DOP1B: variants seen among roughly 807,000 people sequenced by gnomAD.
The protein encoded by DOP1B is protein DOP1B.
DOP1B carries 174 observed loss-of-function variants against 233.5 expected under a neutral mutation model. That is an observed-to-expected ratio of 0.75 (90% CI 0.66 to 0.85). The LOEUF is 0.85. Ranked by LOEUF, DOP1B falls within the 40% of genes least tolerant of loss-of-function variation. DOP1B has a pLI of 0.00. For missense variants in DOP1B, 2,652 were observed against 2,846.6 expected, an observed-to-expected ratio of 0.93 and a Z score of 1.56; for synonymous variants, 1,190 against 1,185.6, an observed-to-expected ratio of 1.00 and a Z score of -0.08.
In DOP1B at chr21:36,167,994, A is replaced by C. The variant is rs1379680159; in HGVS notation, c.138+3123A>C. On this transcript the variant is annotated intron_variant, in intron 2 of 36. Transcript: ENST00000691173. ...AATCTCACTCTGTCATCCAGGCTGA[A>C]GTGCAGTGGCACAGTCTCGGCTAAC... Among the ~76,000 whole-genome samples, 5 of 132,800 alleles carry C rather than the reference A, an allele frequency of 3.8e-5. No individual in the cohort carries two copies. The East Asian group carries it at 1.1e-3, about 30-fold the overall frequency. The allele number at this position is 132,800 out of a possible 152,430, so 87.1% of individuals were successfully genotyped here.
chr21:36,260,262 GGAAGGAAAGAAAGAAA>G (rs143328591), intron 23 of DOP1B, among the ~76,000 whole-genome samples: 15,988 of 116,762 alleles, frequency 0.14, 1,787 homozygotes, highest in African/African-American at 0.39. Flanking sequence ...GAGGAAGGAA[GGAAGGAAAGAAAGAAA>G]GAAAGAAAGA....
intron 2 of DOP1B, among the ~76,000 whole-genome samples, chr21:36,180,150 A>G (rs1462298921): frequency 2.0e-5 from 3 of 148,274 alleles, no homozygotes; most frequent in Admixed American, 1.4e-4. Flanking sequence ...AAAAAAAACT[A>G]GAGGGGGTTA....
rs111241057 is a variant in DOP1B at position 36,195,063 on chromosome 21, G to A, written c.139-4007G>A. Among the ~76,000 whole-genome samples, 1,402 of 152,144 alleles carry A rather than the reference G, an allele frequency of 9.2e-3. 19 individuals are homozygous for A. The highest frequency in any genetic ancestry group is 0.031 in the African/African-American group (1,294 of 41,536). ...TCTACGAAAAAATACCAAAGATGCTGGGCATGATGGCTCATGCCTGTAATC... is the reference window on the plus strand; with the variant it reads ...TCTACGAAAAAATACCAAAGATGCTAGGCATGATGGCTCATGCCTGTAATC... On this transcript the variant is annotated intron_variant, in intron 2 of 36. Coordinates refer to ENST00000691173, the MANE Select transcript of DOP1B (RefSeq NM_001320714.2).
chr21:36,206,705 T>C (rs1347229534), intron 4 of DOP1B, among the ~76,000 whole-genome samples: 1 of 152,152 alleles, frequency 6.6e-6, no homozygotes, highest in Non-Finnish European at 1.5e-5. Flanking sequence ...GCAGTTCTAA[T>C]TAAAGGGGGA....
intron 2 of DOP1B, among the ~76,000 whole-genome samples, chr21:36,188,032 T>C (rs2066185251): frequency 6.6e-6 from 1 of 152,214 alleles, no homozygotes. Context: ...CATATTCTAA[T>C]GTGTCTTCTT....
At position 36,212,094 on chromosome 21, in the gene DOP1B, C is replaced by T. The variant is rs780293572; in HGVS notation, c.901C>T (p.Leu301=). Reference sequence around the variant, plus strand: ...GAACAGAAGACTGTATGCATGGTTACTAGGTACTGAGCAGTATACACCCTT... The same window carrying T: ...GAACAGAAGACTGTATGCATGGTTATTAGGTACTGAGCAGTATACACCCTT... ...SLNRRLYAWL[L]GSDIKGNTVV... is the part of the protein sequence containing the mutation. The change falls in exon 7 of 37, where the codon CTA becomes TTA. Residue 301 remains leucine, a synonymous_variant. Coordinates refer to ENST00000691173, the MANE Select transcript of DOP1B (RefSeq NM_001320714.2). 1 of 1,608,348 alleles carries T rather than the reference C, an allele frequency of 6.2e-7. No individual in the cohort carries two copies.
chr21:36,211,236 G>T (rs958295621), intron 5 of DOP1B, among the ~76,000 whole-genome samples: 1 of 152,206 alleles, frequency 6.6e-6, no homozygotes, highest in Non-Finnish European at 1.5e-5. Flanking sequence ...TTTCCCATGT[G>T]TCTTCAGAGC....
chr21:36,233,531 G>A (rs998196227), intron 15 of DOP1B, among the ~76,000 whole-genome samples: 3 of 152,196 alleles, frequency 2.0e-5, no homozygotes, highest in African/African-American at 4.8e-5. Flanking sequence ...GGATAGTGAC[G>A]TTTCCATGGA....
intron 5 of DOP1B, among the ~76,000 whole-genome samples, chr21:36,210,591 G>A (rs2066484959): frequency 6.6e-6 from 1 of 152,174 alleles, no homozygotes; most frequent in Admixed American, 6.5e-5. Flanking sequence ...GTTGCAGTGA[G>A]CTAAGATTGC....
intron 36 of DOP1B, among the ~76,000 whole-genome samples, chr21:36,292,811 G>A (rs1231310841): frequency 6.6e-6 from 1 of 151,824 alleles, no homozygotes; most frequent in Non-Finnish European, 1.5e-5. Context: ...ACAGGTTTTC[G>A]CCATATTGGT....
At chr21:36,291,721 A>G (rs2067561768) in intron 35 of DOP1B, among the ~76,000 whole-genome samples, 1 of 152,218 alleles carries the variant, frequency 6.6e-6, no homozygotes, top group Non-Finnish European at 1.5e-5. Context: ...AAAGAATTGA[A>G]GAACTGAGAC....
chr21:36,188,710 A>G (rs2066195315), intron 2 of DOP1B, among the ~76,000 whole-genome samples: 1 of 152,110 alleles, frequency 6.6e-6, no homozygotes, highest in Non-Finnish European at 1.5e-5. Context: ...TTGGTGGGAG[A>G]CGTGCTTTTA....
intron 2 of DOP1B, among the ~76,000 whole-genome samples, chr21:36,168,186 T>G (rs1447131314): frequency 1.3e-5 from 2 of 151,982 alleles, no homozygotes; most frequent in Non-Finnish European, 2.9e-5. Context: ...TCCAGTGATC[T>G]GCCTGCCTTG....
intron 32 of DOP1B, among the ~76,000 whole-genome samples, chr21:36,284,723 G>T (rs1363524267): frequency 6.6e-6 from 1 of 151,916 alleles, no homozygotes; most frequent in Admixed American, 6.6e-5. Flanking sequence ...TTTGACCATG[G>T]TAGAGTTTAA....
At chr21:36,187,938 A>G (rs1361286929) in intron 2 of DOP1B, among the ~76,000 whole-genome samples, 1 of 152,054 alleles carries the variant, frequency 6.6e-6, no homozygotes, top group Non-Finnish European at 1.5e-5. Flanking sequence ...TAAAATCTCT[A>G]GTAGGTGATA....
intron 27 of DOP1B, 122 bp from the exon 28 acceptor site, chr21:36,276,899 T>A: frequency 2.5e-6 from 2 of 803,522 alleles, no homozygotes. Context: ...ACCTGAGTCA[T>A]ATGGACACAA....
chr21:36,172,346 T>C (rs1212827208), intron 2 of DOP1B, among the ~76,000 whole-genome samples: 1 of 152,210 alleles, frequency 6.6e-6, no homozygotes, highest in African/African-American at 2.4e-5. Flanking sequence ...CTGCCGTTAC[T>C]GGATGTGGAG....
chr21:36,217,772 G>C (rs1412058215), intron 9 of DOP1B, among the ~76,000 whole-genome samples: 3 of 152,144 alleles, frequency 2.0e-5, no homozygotes, highest in African/African-American at 7.2e-5. Context: ...CTGCAGCTCT[G>C]AAAAATCATG....
rs754203134 is a variant in DOP1B, at chr21:36,245,888, C to T, written c.3908C>T (p.Pro1303Leu). The change falls in exon 19 of 37, where the codon CCC becomes CTC. Residue 1303 changes from proline to leucine, a missense_variant. Coordinates refer to ENST00000691173, the MANE Select transcript of DOP1B (RefSeq NM_001320714.2). This position sits in a 1 kb window ranked among gnomAD's most constrained non-coding sequence, Gnocchi z 5.5. ...TACGGAAAGCTCCAGACCCAGGTCC[C>T]CAACGTGTGCCCCCACTCTCTGCTC... ...SFYGKLQTQV[P>L]NVCPHSLLLE... 34 of 1,613,672 alleles carry T rather than the reference C, an allele frequency of 2.1e-5. No individual in the cohort carries two copies. Among genetic ancestry groups the T allele is most frequent in the Non-Finnish European group, 2.9e-5 (34 of 1,180,018 alleles).
Sources: gnomAD v4.1 joint callset for allele counts (sites outside exome capture counted in the v4.1 genomes callset) on GRCh38, gnomAD v4.1.1 for gene constraint, Gnocchi (gnomAD v3.1) non-coding constraint, MANE v1.5 for transcripts, NCBI Gene and HGNC (gene_info 2026-07-23, HGNC 2026-07-21) for gene names.